USH2A: variants seen among roughly 807,000 people sequenced by gnomAD.
The protein encoded by USH2A is Usher syndrome 2A (autosomal recessive, mild).
Under a neutral mutation model 538.9 loss-of-function variants are expected in USH2A, and 443 were observed. The ratio of observed to expected loss-of-function variants is 0.82; its 90% CI spans 0.76 to 0.89. USH2A has a LOEUF of 0.89. USH2A is among the 40% of genes least tolerant of loss of function. USH2A has a pLI of 0.00. For missense variants in USH2A, 6,633 were observed against 6,324.8 expected (o/e 1.05, Z -1.65); for synonymous variants, 2,413 against 2,273.5 (o/e 1.06, Z -1.75).
intron 32 of USH2A, among the ~76,000 whole-genome samples, chr1:216,035,443 A>G (rs566252847): frequency 6.6e-6 from 1 of 152,278 alleles, no homozygotes; most frequent in Admixed American, 6.5e-5. Flanking sequence ...GATGAAACAG[A>G]TTCCTCCTCA....
At chr1:215,696,042 C>A (rs1658798290) in intron 61 of USH2A, among the ~76,000 whole-genome samples, 1 of 152,106 alleles carries the variant, frequency 6.6e-6, no homozygotes, top group Admixed American at 6.6e-5. Context: ...ACCCACTGTG[C>A]CTGGCCTACA....
chr1:215,723,904 C>A (rs893639783), intron 61 of USH2A, among the ~76,000 whole-genome samples: 4 of 152,038 alleles, frequency 2.6e-5, no homozygotes, highest in Non-Finnish European at 5.9e-5. Flanking sequence ...AGTAGAATTA[C>A]CGTTCAATCC....
At chr1:215,764,352 G>A (rs886621966) in intron 56 of USH2A, among the ~76,000 whole-genome samples, 1 of 152,148 alleles carries the variant, frequency 6.6e-6, no homozygotes, top group Non-Finnish European at 1.5e-5. Flanking sequence ...ATCAATGCTA[G>A]AGGAAAGTAT....
intron 3 of USH2A, among the ~76,000 whole-genome samples, chr1:216,408,834 G>A (rs1233200835): frequency 6.6e-6 from 1 of 152,144 alleles, no homozygotes; most frequent in East Asian, 1.9e-4. Flanking sequence ...GAAGGGCTAG[G>A]AGCATAGACA....
intron 32 of USH2A, among the ~76,000 whole-genome samples, chr1:216,014,370 A>G (rs1668655145): frequency 6.6e-6 from 1 of 152,222 alleles, no homozygotes; most frequent in Non-Finnish European, 1.5e-5. Context: ...TGAAGCCATA[A>G]ACAAAGCCAC....
Position 216,113,137 on chromosome 1 carries a change from TAAAAA to T in USH2A, c.4628-15929_4628-15925del, listed in dbSNP as rs71159901. ...ATCATGCTTTACAACCTCCAAATGA[TAAAAA>T]AAAAAAAAAAAAAACAAAACAAGAA... On this transcript the variant is annotated intron_variant, in intron 21 of 71. Coordinates refer to ENST00000307340, the MANE Select transcript of USH2A (RefSeq NM_206933.4). Among the ~76,000 whole-genome samples the T allele has an allele frequency of 4.7e-3, 602 of 127,582 alleles. 4 individuals carry two copies. Among genetic ancestry groups the T allele is most frequent in the Admixed American group, 9.7e-3 (126 of 12,982 alleles). The allele number at this position is 127,582 out of a possible 152,430, so 83.7% of individuals were successfully genotyped here.
chr1:215,811,593 C>T (rs1479001643), intron 49 of USH2A, among the ~76,000 whole-genome samples: 1 of 131,328 alleles, frequency 7.6e-6, no homozygotes, highest in African/African-American at 2.8e-5. Flanking sequence ...AGCCCTATGC[C>T]TACTGCACTA....
At chr1:215,664,362 A>G (rs951808243) in intron 64 of USH2A, among the ~76,000 whole-genome samples, 7 of 152,232 alleles carry the variant, frequency 4.6e-5, no homozygotes, top group African/African-American at 1.7e-4. Context: ...CCATGTGTCC[A>G]TCTTGGTGAT....
At position 215,735,546 on chromosome 1, in the gene USH2A, A is replaced by G. The variant is rs145057533; in HGVS notation, c.11711+5829T>C. On this transcript the variant is annotated intron_variant, in intron 60 of 71. Transcript: ENST00000307340. The stretch of plus-strand genomic sequence containing the variant: ...CTCACAAATTTATTATTTTGTCTTT[A>G]CTAGACCATATGATGTATTGACTAT... Among the ~76,000 whole-genome samples, 111 of 152,304 alleles carry G rather than the reference A, an allele frequency of 7.3e-4. 1 individual carries two copies. In the East Asian group the frequency reaches 0.017, roughly 24 times the overall value.
At chr1:215,939,547 C>CT (rs1337654799) in intron 37 of USH2A, among the ~76,000 whole-genome samples, 1 of 151,884 alleles carries the variant, frequency 6.6e-6, no homozygotes, top group East Asian at 1.9e-4. Flanking sequence ...TTTCAATGCT[C>CT]TTTTTTGTTG....
chr1:216,279,789 G>A (rs2036737538), intron 11 of USH2A, among the ~76,000 whole-genome samples: 2 of 152,064 alleles, frequency 1.3e-5, no homozygotes, highest in African/African-American at 4.8e-5. Context: ...AAGCAAGAAA[G>A]CACTCAGACA....
intron 4 of USH2A, among the ~76,000 whole-genome samples, chr1:216,334,345 C>T (rs547885874): frequency 1.3e-5 from 2 of 151,930 alleles, no homozygotes; most frequent in African/African-American, 4.8e-5. Flanking sequence ...GAATAAATGA[C>T]AAGGGTATTA....
intron 13 of USH2A, among the ~76,000 whole-genome samples, chr1:216,243,684 G>A (rs2035978106): frequency 6.6e-6 from 1 of 152,220 alleles, no homozygotes; most frequent in Admixed American, 6.5e-5. Flanking sequence ...GAGAAGGACA[G>A]GGGAATGCCT....
intron 4 of USH2A, among the ~76,000 whole-genome samples, chr1:216,332,306 T>A (rs2102666222): frequency 6.6e-6 from 1 of 152,254 alleles, no homozygotes; most frequent in South Asian, 2.1e-4. Context: ...TTGCTAAAAA[T>A]AATCACTGGC....
intron 64 of USH2A, among the ~76,000 whole-genome samples, chr1:215,657,867 C>T (rs1293659511): frequency 2.0e-5 from 3 of 152,020 alleles, no homozygotes; most frequent in African/African-American, 7.3e-5. Flanking sequence ...TATGGTTCTC[C>T]TCTAATACCT....
intron 44 of USH2A, among the ~76,000 whole-genome samples, chr1:215,858,388 C>CG (rs148722625): frequency 6.6e-6 from 1 of 151,274 alleles, no homozygotes; most frequent in East Asian, 2.0e-4. Flanking sequence ...GATTGGATTA[C>CG]GGGGGTGGTT....
At chr1:215,746,875 T>C (rs921658617) in intron 58 of USH2A, among the ~76,000 whole-genome samples, 3 of 152,170 alleles carry the variant, frequency 2.0e-5, no homozygotes, top group African/African-American at 7.2e-5. Context: ...ATATGGAAAA[T>C]TTGGGAAACA....
chr1:216,180,353 T>C (rs564406548), intron 20 of USH2A, among the ~76,000 whole-genome samples: 24 of 152,206 alleles, frequency 1.6e-4, no homozygotes, highest in African/African-American at 5.3e-4. Context: ...ACTTTTAAAA[T>C]AGCACTTGTA....
intron 23 of USH2A, among the ~76,000 whole-genome samples, chr1:216,087,424 A>G (rs73096613): frequency 0.047 from 7,219 of 152,048 alleles, 216 homozygotes; most frequent in South Asian, 0.15. Flanking sequence ...GTCTCTCCCC[A>G]AACCTGCTTC....
Sources: allele counts gnomAD v4.1 joint callset (sites outside exome capture counted in the v4.1 genomes callset), GRCh38; gene constraint gnomAD v4.1.1; transcripts MANE v1.5; gene names NCBI Gene and HGNC (gene_info 2026-07-23, HGNC 2026-07-21).